The following HS3ST5 variants were observed in gnomAD, a reference collection of about 807,000 sequenced individuals.
HS3ST5 encodes heparan sulfate glucosamine 3-O-sulfotransferase 5.
In HS3ST5, 10 loss-of-function variants were observed where a neutral mutation model predicts 25.4. The observed-to-expected ratio is 0.39, with a 90% CI of 0.24 to 0.67. HS3ST5 has a LOEUF of 0.67. Among genes scored for constraint, HS3ST5 ranks in the 30% least tolerant of loss-of-function variants. The pLI is 0.44. For missense variants in HS3ST5, 324 were observed against 420.7 expected (o/e 0.77, Z 2.01); for synonymous variants, 170 against 162.4 (o/e 1.05, Z -0.36).
intron 3 of HS3ST5, among the ~76,000 whole-genome samples, chr6:114,097,857 C>T (rs1562195775): frequency 6.6e-6 from 1 of 151,956 alleles, no homozygotes; most frequent in Admixed American, 6.6e-5. Context: ...TTAACTAACT[C>T]TACCCCTAAA....
intron 1 of HS3ST5, among the ~76,000 whole-genome samples, chr6:114,313,173 T>C (rs1775608707): frequency 1.3e-5 from 2 of 151,646 alleles, no homozygotes; most frequent in South Asian, 2.1e-4. Context: ...AGCAGGGTAA[T>C]TGTTAAAAAT....
At position 114,320,025 on chromosome 6, in the gene HS3ST5, T is replaced by C. The variant is rs182251216; in HGVS notation, c.-339+22170A>G. Among the ~76,000 whole-genome samples, 524 of 152,144 alleles carry C rather than the reference T, an allele frequency of 3.4e-3. 4 individuals are homozygous for C. Among genetic ancestry groups the C allele is most frequent in the Non-Finnish European group, 6.6e-3 (447 of 67,970 alleles). On this transcript the variant is annotated intron_variant, in intron 1 of 4. Transcript: ENST00000312719. ...ACTGGAGAGGAAGAAATAAGGATAA[T>C]AATAATAATAATAACTATTAGAACT...
intron 3 of HS3ST5, among the ~76,000 whole-genome samples, chr6:114,151,598 G>C (rs1472619706): frequency 1.3e-5 from 2 of 152,176 alleles, no homozygotes. Context: ...TTAGCTTTCT[G>C]GTAAATGGGA....
In HS3ST5 at chr6:114,125,725, T is replaced by G. The variant is rs1166882079; in HGVS notation, c.-33+42626A>C. ...CTGTGCAGGGAGAGTACTTAGTTGATGCAAAGCTGAAATCATCGCACAGTG... is the reference window on the plus strand; with the variant it reads ...CTGTGCAGGGAGAGTACTTAGTTGAGGCAAAGCTGAAATCATCGCACAGTG... On this transcript the variant is annotated intron_variant, in intron 3 of 4. Transcript: ENST00000312719. Among the ~76,000 whole-genome samples, 9 of 152,210 alleles carry G rather than the reference T, an allele frequency of 5.9e-5. No homozygotes were observed. In the East Asian group the frequency reaches 1.7e-3, roughly 29 times the overall value.
At chr6:114,078,001 T>C (rs772461824) in intron 3 of HS3ST5, among the ~76,000 whole-genome samples, 13 of 152,186 alleles carry the variant, frequency 8.5e-5, no homozygotes, top group Non-Finnish European at 1.0e-4. Flanking sequence ...ATTTTTAACA[T>C]TAAATATTTT....
At chr6:114,220,316 C>T (rs1282313034) in intron 2 of HS3ST5, among the ~76,000 whole-genome samples, 3 of 151,952 alleles carry the variant, frequency 2.0e-5, no homozygotes, top group Admixed American at 1.3e-4. Context: ...TAATTTTTTG[C>T]ATATGAAACT....
intron 1 of HS3ST5, chr6:114,239,271 A>G (rs1482263206): frequency 1.3e-5 from 2 of 152,338 alleles, no homozygotes; most frequent in East Asian, 1.9e-4. Flanking sequence ...AGGCCTGCTC[A>G]TGTACCAGGG....
chr6:114,313,562 C>G (rs905234488), intron 1 of HS3ST5, among the ~76,000 whole-genome samples: 1 of 152,074 alleles, frequency 6.6e-6, no homozygotes, highest in Non-Finnish European at 1.5e-5. Flanking sequence ...AAAATAAATA[C>G]TGTATAATTT....
At position 114,057,586 on chromosome 6, in the gene HS3ST5, G is replaced by A. The variant is rs1772840941; in HGVS notation, c.712C>T (p.Leu238=). 1 of 1,614,098 alleles carries A rather than the reference G, an allele frequency of 6.2e-7. No homozygotes were observed. Among genetic ancestry groups the A allele is most frequent in the Non-Finnish European group, 8.5e-7 (1 of 1,180,036 alleles). ...GGAAAGTATTTCAACCACCTTTCCA[G>A]ATGTTTGGTGTAGATGCTGGTTCTT... ...AVRTSIYTKH[L]ERWLKYFPIE... Residue 238 remains leucine (L), a synonymous_variant, in exon 5 of 5, where the codon CTG becomes TTG. Transcript: ENST00000312719.
intron 3 of HS3ST5, among the ~76,000 whole-genome samples, chr6:114,079,370 A>G (rs564130093): frequency 6.6e-6 from 1 of 152,334 alleles, no homozygotes; most frequent in South Asian, 2.1e-4. Context: ...TCATCTCAAC[A>G]ATGTTCACAG....
At chr6:114,313,296 G>C (rs563512929) in intron 1 of HS3ST5, among the ~76,000 whole-genome samples, 1 of 152,248 alleles carries the variant, frequency 6.6e-6, no homozygotes, top group East Asian at 1.9e-4. Flanking sequence ...ATAGCCTTAT[G>C]GAGATATACC....
chr6:114,249,685 C>T (rs1334997453), intron 1 of HS3ST5, among the ~76,000 whole-genome samples: 1 of 152,202 alleles, frequency 6.6e-6, no homozygotes. Flanking sequence ...GCCCCTTTGC[C>T]TCCATTTGGG....
At chr6:114,206,577 A>C (rs1781285317) in intron 2 of HS3ST5, among the ~76,000 whole-genome samples, 1 of 151,990 alleles carries the variant, frequency 6.6e-6, no homozygotes, top group Non-Finnish European at 1.5e-5. Context: ...GTCACATAAC[A>C]CTCTAAGCCT....
At chr6:114,101,634 A>G (rs1775738681) in intron 3 of HS3ST5, among the ~76,000 whole-genome samples, 1 of 152,220 alleles carries the variant, frequency 6.6e-6, no homozygotes, top group Non-Finnish European at 1.5e-5. Flanking sequence ...TGTGGAAAGT[A>G]GTTTGGCAAT....
intron 1 of HS3ST5, among the ~76,000 whole-genome samples, chr6:114,333,815 T>C (rs1226001259): frequency 6.6e-6 from 1 of 152,116 alleles, no homozygotes; most frequent in African/African-American, 2.4e-5. Context: ...ATGGGAATAA[T>C]GTTCTTCACT....
At chr6:114,271,882 G>A (rs1050276821) in intron 1 of HS3ST5, among the ~76,000 whole-genome samples, 5 of 151,908 alleles carry the variant, frequency 3.3e-5, no homozygotes, top group African/African-American at 7.3e-5. Context: ...CAGGAGGACC[G>A]TGGCCCACTA....
At chr6:114,105,860 A>C (rs893013195) in intron 3 of HS3ST5, among the ~76,000 whole-genome samples, 38 of 152,192 alleles carry the variant, frequency 2.5e-4, no homozygotes, top group African/African-American at 9.2e-4. Context: ...TTTGTCTCAC[A>C]GAACTACCTT....
At chr6:114,079,875 A>G (rs1300678488) in intron 3 of HS3ST5, among the ~76,000 whole-genome samples, 1 of 152,170 alleles carries the variant, frequency 6.6e-6, no homozygotes, top group East Asian at 1.9e-4. Context: ...TCCTGGGTTC[A>G]AGCGATTCTC....
chr6:114,121,136 C>T (rs2114876377), intron 3 of HS3ST5, among the ~76,000 whole-genome samples: 1 of 152,308 alleles, frequency 6.6e-6, no homozygotes, highest in South Asian at 2.1e-4. Flanking sequence ...AATCGGAATC[C>T]AGTCACTTTA....
Sources: allele counts gnomAD v4.1 joint callset (sites outside exome capture counted in the v4.1 genomes callset), GRCh38; gene constraint gnomAD v4.1.1; transcripts MANE v1.5; gene names NCBI Gene and HGNC (gene_info 2026-07-23, HGNC 2026-07-21).